Variants in ZNF385D observed in about 807,000 individuals in gnomAD.
The protein encoded by ZNF385D is zinc finger protein 659.
In ZNF385D, 15 loss-of-function variants were observed where a neutral mutation model predicts 35.8. That is an observed-to-expected ratio of 0.42 (90% confidence interval 0.28 to 0.64). The LOEUF (loss-of-function observed/expected upper bound fraction) is 0.64. Among genes scored for constraint, ZNF385D ranks in the 30% least tolerant of loss-of-function variants. The pLI is 0.23. For synonymous variants in ZNF385D, 212 were observed against 186.8 expected (o/e 1.13, Z -1.10); for missense variants, 474 against 494.6 (o/e 0.96, Z 0.39).
At chr3:21,964,663 T>A (rs1032994304) in intron 3 of ZNF385D, among the ~76,000 whole-genome samples, 3 of 151,674 alleles carry the variant, frequency 2.0e-5, no homozygotes, top group Admixed American at 2.0e-4. Flanking sequence ...CTAATTTTTT[T>A]GTATTTTTAG....
intron 5 of ZNF385D, among the ~76,000 whole-genome samples, chr3:21,427,296 C>T (rs1378371477): frequency 6.6e-6 from 1 of 152,178 alleles, no homozygotes; most frequent in East Asian, 1.9e-4. Context: ...TTCTATGCAG[C>T]TCCTTCAGTG....
At chr3:22,023,968 C>A (rs934014984) in intron 3 of ZNF385D, among the ~76,000 whole-genome samples, 1 of 152,046 alleles carries the variant, frequency 6.6e-6, no homozygotes, top group Non-Finnish European at 1.5e-5. Flanking sequence ...TTGAAGGATA[C>A]AAAGTATTGA....
At position 21,558,404 on chromosome 3, in the gene ZNF385D, C is replaced by T. The variant is rs577611818; in HGVS notation, c.276+6170G>A. Among the ~76,000 whole-genome samples, 12 of 152,122 alleles carry T rather than the reference C, an allele frequency of 7.9e-5. No homozygotes were observed. The South Asian group carries it at 1.2e-3, about 16-fold the overall frequency. On this transcript the variant is annotated intron_variant, in intron 3 of 7. Transcript: ENST00000281523. The stretch of plus-strand genomic sequence containing the variant: ...AACTTATTTATTTCTGCCTTCATTT[C>T]GTTATTCACCCGGTAGTCATTCAGG...
Position 21,465,692 on chromosome 3 carries a change from C to G in ZNF385D, c.440-28489G>C, listed in dbSNP as rs928115983. 1.3e-5 allele frequency among the ~76,000 whole-genome samples: 2 copies of G among 152,200 alleles called. No individual in the cohort carries two copies. Among genetic ancestry groups the G allele is most frequent in the African/African-American group, 4.8e-5 (2 of 41,450 alleles). On this transcript the variant is annotated intron_variant, in intron 4 of 7. Transcript: ENST00000281523. This position sits in a 1 kb window ranked among gnomAD's most constrained non-coding sequence, Gnocchi z 4.2. ...CTTTCCTGGCTCTGCTTCTTCCTTT[C>G]CTGTGAAAATTCACCTGTGTGAATT... is the stretch of plus-strand genomic sequence containing the variant.
chr3:21,825,504 G>A (rs892610640), intron 3 of ZNF385D, among the ~76,000 whole-genome samples: 3 of 152,026 alleles, frequency 2.0e-5, no homozygotes, highest in Non-Finnish European at 4.4e-5. Context: ...GTAGAGTTAG[G>A]TGGTTCCGGG....
chr3:22,173,176 G>T (rs1694583199), intron 2 of ZNF385D, among the ~76,000 whole-genome samples: 1 of 152,158 alleles, frequency 6.6e-6, no homozygotes, highest in Admixed American at 6.6e-5. Flanking sequence ...AAAACTAGGG[G>T]AAGTCTGAGA....
At chr3:22,366,915 A>C (rs1314071167) in intron 2 of ZNF385D, among the ~76,000 whole-genome samples, 1 of 152,206 alleles carries the variant, frequency 6.6e-6, no homozygotes, top group African/African-American at 2.4e-5. Flanking sequence ...CCACAAGCCA[A>C]GGAATGGCAA....
At chr3:22,297,482 G>A (rs969847336) in intron 2 of ZNF385D, among the ~76,000 whole-genome samples, 1 of 152,054 alleles carries the variant, frequency 6.6e-6, no homozygotes, top group South Asian at 2.1e-4. Flanking sequence ...CCCCTTGAGC[G>A]GCAAACTTTT....
At chr3:21,534,200 C>A (rs2061986203) in intron 3 of ZNF385D, among the ~76,000 whole-genome samples, 1 of 151,914 alleles carries the variant, frequency 6.6e-6, no homozygotes, top group African/African-American at 2.4e-5. Flanking sequence ...AATCCAAGTC[C>A]TTTATCTTTC....
intron 2 of ZNF385D, among the ~76,000 whole-genome samples, chr3:21,572,014 G>C (rs1330344943): frequency 6.6e-6 from 1 of 152,144 alleles, no homozygotes; most frequent in African/African-American, 2.4e-5. Flanking sequence ...CAGGGCACAT[G>C]AACTCAATCT....
At chr3:21,590,150 T>C (rs1309642441) in intron 2 of ZNF385D, among the ~76,000 whole-genome samples, 1 of 152,136 alleles carries the variant, frequency 6.6e-6, no homozygotes, top group Non-Finnish European at 1.5e-5. Flanking sequence ...ACACAGCAGA[T>C]TAGCTACACA....
At chr3:21,445,698 G>C (rs1702112482) in intron 4 of ZNF385D, among the ~76,000 whole-genome samples, 1 of 152,144 alleles carries the variant, frequency 6.6e-6, no homozygotes, top group Non-Finnish European at 1.5e-5. Context: ...GTGTCTGCCA[G>C]ACTGTTGGTA....
intron 1 of ZNF385D, among the ~76,000 whole-genome samples, chr3:21,698,438 C>A (rs754249746): frequency 6.6e-6 from 1 of 151,916 alleles, no homozygotes; most frequent in African/African-American, 2.4e-5. Flanking sequence ...AGATAATAGA[C>A]CCTGGGGACT....
chr3:22,158,985 G>A (rs1055016280), intron 3 of ZNF385D, among the ~76,000 whole-genome samples: 3 of 152,054 alleles, frequency 2.0e-5, no homozygotes, highest in Non-Finnish European at 2.9e-5. Flanking sequence ...ACCTAGAAAA[G>A]CAGAGGAGTG....
intron 1 of ZNF385D, among the ~76,000 whole-genome samples, chr3:21,669,163 T>G (rs1416010076): frequency 6.6e-6 from 1 of 152,194 alleles, no homozygotes; most frequent in South Asian, 2.1e-4. Flanking sequence ...AACAAATTAG[T>G]CTGATTTCAG....
intron 3 of ZNF385D, among the ~76,000 whole-genome samples, chr3:21,950,946 T>C (rs1313949082): frequency 2.0e-5 from 3 of 151,810 alleles, no homozygotes; most frequent in Non-Finnish European, 2.9e-5. Flanking sequence ...TTGGTTACTG[T>C]AGCCTTGTAG....
At chr3:21,590,930 T>G (rs1046353971) in intron 2 of ZNF385D, among the ~76,000 whole-genome samples, 4 of 152,044 alleles carry the variant, frequency 2.6e-5, no homozygotes, top group African/African-American at 9.7e-5. Context: ...ACGCAACTTC[T>G]CACTCCTATA....
intron 4 of ZNF385D, chr3:21,441,565 T>G: frequency 3.0e-6 from 1 of 333,074 alleles, no homozygotes; most frequent in Non-Finnish European, 4.3e-6. Flanking sequence ...TAAAAGAAAC[T>G]AAGCGTGGCC....
At chr3:22,004,516 G>C (rs1488834849) in intron 3 of ZNF385D, among the ~76,000 whole-genome samples, 1 of 152,168 alleles carries the variant, frequency 6.6e-6, no homozygotes, top group Non-Finnish European at 1.5e-5. Context: ...AGGAGAAAGT[G>C]TTTGCAAATT....
Sources: gnomAD v4.1 joint callset for allele counts (sites outside exome capture counted in the v4.1 genomes callset) on GRCh38, gnomAD v4.1.1 for gene constraint, Gnocchi (gnomAD v3.1) non-coding constraint, MANE v1.5 for transcripts, NCBI Gene and HGNC (gene_info 2026-07-23, HGNC 2026-07-21) for gene names.